The following BOD1L2 variants were observed in gnomAD, a reference collection of about 807,000 sequenced individuals.
BOD1L2 encodes the protein biorientation of chromosomes in cell division 1 like 2, also known as biorientation of chromosomes in cell division protein 1-like 2.
A neutral mutation model predicts 5.3 loss-of-function variants in BOD1L2; 6 were observed. That is an observed-to-expected ratio of 1.14 (90% CI 0.62 to 2.25). The LOEUF (loss-of-function observed/expected upper bound fraction) is 2.25. BOD1L2 is among the 30% of genes most tolerant of loss of function. BOD1L2 has a pLI of 0.00. For missense variants in BOD1L2, 210 were observed against 227.2 expected (o/e 0.92, Z 0.49); for synonymous variants, 96 against 96.3 (o/e 1.00, Z 0.02).
chr18:57,148,153 C>G lies in BOD1L2; in HGVS notation c.*322C>G, dbSNP rs1336823189. ...AGACATCTATACTTGAACATGGAGA[C>G]TGCACATGGATTTTAGGGTTTGTGC... On this transcript the variant is annotated 3_prime_UTR_variant, in exon 1 of 1. Transcript: ENST00000585477. 1 of 230,582 alleles carries G rather than the reference C, an allele frequency of 4.3e-6. No individual in the cohort carries two copies. Among genetic ancestry groups the G allele is most frequent in the Non-Finnish European group, 8.6e-6 (1 of 116,102 alleles). The allele number at this position is 230,582 out of a possible 1,614,324, so 14.3% of individuals were successfully genotyped here.
In BOD1L2 at chr18:57,147,351, C is replaced by A; in HGVS notation, c.39C>A (p.Gly13=). Residue 13 remains glycine (G), a synonymous_variant, in exon 1 of 1, where the codon GGC becomes GGA. Coordinates refer to ENST00000585477, the MANE Select transcript of BOD1L2 (RefSeq NM_001257964.2). ...GCGGCGGCGGCAGCGGCGGTGCGGG[C>A]CCGGCCTCGACCCGGGCCAGCGGGG... The part of the protein sequence containing the change: ...DGGGGGSGGA[G]PASTRASGGG... 1 of 1,456,480 alleles carries A rather than the reference C, an allele frequency of 6.9e-7. No individual in the cohort carries two copies. The highest frequency in any genetic ancestry group is 9.0e-7 in the Non-Finnish European group (1 of 1,108,262). The allele number at this position is 1,456,480 out of a possible 1,614,324, so 90.2% of individuals were successfully genotyped here. A position where few individuals can be genotyped will look rare whatever the true frequency, so the allele number is the denominator to read the frequency against.
At position 57,147,484 on chromosome 18, in the gene BOD1L2, G is replaced by T. The variant is rs1414922106; in HGVS notation, c.172G>T (p.Asp58Tyr). 7 of 1,575,296 alleles carry T rather than the reference G, an allele frequency of 4.4e-6. No individual in the cohort carries two copies. The highest frequency in any genetic ancestry group is 1.4e-5 in the African/African-American group (1 of 73,854). Residue 58 changes from aspartate to tyrosine, a missense_variant, in exon 1 of 1, where the codon GAC becomes TAC. Physicochemically the swap from Asp to Tyr is radical, Grantham distance 160. Transcript: ENST00000585477. ...GGGCCTTTTTGACAGCTTCCGCCGG[G>T]ACTGCAAGGCTGACGTGGACACCAA... Reference protein sequence around the residue: ...SRGLFDSFRRDCKADVDTKPA... With the variant: ...SRGLFDSFRRYCKADVDTKPA...
Position 57,149,845 on chromosome 18 carries a change from T to G in BOD1L2, c.*2014T>G, listed in dbSNP as rs747332154. On this transcript the variant is annotated 3_prime_UTR_variant, in exon 1 of 1. Coordinates refer to ENST00000585477, the MANE Select transcript of BOD1L2 (RefSeq NM_001257964.2). The stretch of plus-strand genomic sequence containing the variant: ...ACTAACATAAAAGGAACCTAATTTC[T>G]GCTTTTAAGAAATGTGTTGCGGAAG... 1.3e-5 allele frequency: 2 copies of G among 152,238 alleles called. No homozygotes were observed. The highest frequency in any genetic ancestry group is 2.9e-5 in the Non-Finnish European group (2 of 68,042). The allele number at this position is 152,238 out of a possible 1,614,324, so 9.4% of individuals were successfully genotyped here.
Position 57,147,498 on chromosome 18 carries a change from C to G in BOD1L2, c.186C>G (p.Asp62Glu). ...GCTTCCGCCGGGACTGCAAGGCTGA[C>G]GTGGACACCAAGCCAGCTTACCAAA... ...FDSFRRDCKA[D>E]VDTKPAYQNL... is the part of the protein sequence containing the mutation. The change falls in exon 1 of 1, where the codon GAC (aspartate) becomes GAG (glutamate). Residue 62 changes from aspartate to glutamate, a missense_variant. Transcript: ENST00000585477. The G allele has an allele frequency of 1.3e-6, 2 of 1,587,136 alleles. No individual in the cohort carries two copies. The highest frequency in any genetic ancestry group is 1.7e-6 in the Non-Finnish European group (2 of 1,167,604).
In BOD1L2 at chr18:57,147,806, C is replaced by T. The variant is rs530765900; in HGVS notation, c.494C>T (p.Pro165Leu). ...LPPEPEGQDP[P>L]APSQDTS Reference sequence around the variant, plus strand: ...CCAGAGCCAGAAGGCCAGGACCCTCCAGCTCCGTCTCAGGACACTTCCTAA... The same window carrying T: ...CCAGAGCCAGAAGGCCAGGACCCTCTAGCTCCGTCTCAGGACACTTCCTAA... Residue 165 changes from proline to leucine, a missense_variant, in exon 1 of 1, where the codon CCA becomes CTA. Physicochemically the swap from Pro to Leu is moderately conservative, Grantham distance 98 (BLOSUM62 -3). Coordinates refer to ENST00000585477, the MANE Select transcript of BOD1L2 (RefSeq NM_001257964.2). 20 of 1,612,248 alleles carry T rather than the reference C, an allele frequency of 1.2e-5. No individual in the cohort carries two copies. In the East Asian group the frequency reaches 3.8e-4, roughly 31 times the overall value.
In BOD1L2 at chr18:57,147,359, C is replaced by T. The variant is rs1411926917; in HGVS notation, c.47C>T (p.Ser16Leu). 7.4e-6 allele frequency: 11 copies of T among 1,479,482 alleles called. No homozygotes were observed. The highest frequency in any genetic ancestry group is 2.5e-5 in the East Asian group (1 of 39,704). 91.6% of individuals were successfully genotyped at this position (1,479,482 alleles called of 1,614,324 possible). A position where few individuals can be genotyped will look rare whatever the true frequency, so the allele number is the denominator to read the frequency against. ...GGCAGCGGCGGTGCGGGCCCGGCCT[C>T]GACCCGGGCCAGCGGGGGCGGCGGC... ...GGGSGGAGPA[S>L]TRASGGGGPI... The change falls in exon 1 of 1, where the codon TCG (serine) becomes TTG (leucine). Residue 16 changes from serine to leucine, a missense_variant. Transcript: ENST00000585477.
chr18:57,149,671 T>C lies in BOD1L2; in HGVS notation c.*1840T>C, dbSNP rs1453757591. 2.6e-5 allele frequency: 4 copies of C among 152,212 alleles called. No homozygotes were observed. Among genetic ancestry groups the C allele is most frequent in the African/African-American group, 4.8e-5 (2 of 41,456 alleles). The allele number at this position is 152,212 out of a possible 1,614,324, so 9.4% of individuals were successfully genotyped here. ...TCTTTAAAGTTTAATGTCCCAGCCA[T>C]TTTAATTGTTTCTTTCGAAGTACAA... is the stretch of plus-strand genomic sequence containing the variant. On this transcript the variant is annotated 3_prime_UTR_variant, in exon 1 of 1. Coordinates refer to ENST00000585477, the MANE Select transcript of BOD1L2 (RefSeq NM_001257964.2).
rs1279762473 is a variant in BOD1L2 at position 57,148,082 on chromosome 18, A to T, written c.*251A>T. 4.7e-6 allele frequency: 2 copies of T among 424,510 alleles called. No homozygotes were observed. Among genetic ancestry groups the T allele is most frequent in the Non-Finnish European group, 8.6e-6 (2 of 232,674 alleles). The allele number at this position is 424,510 out of a possible 1,614,324, so 26.3% of individuals were successfully genotyped here. Reference sequence around the variant, plus strand: ...TCCAAGGGCATGACACCAAACACACACTACAGAGAGGGAAACACTACCGCG... The same window carrying T: ...TCCAAGGGCATGACACCAAACACACTCTACAGAGAGGGAAACACTACCGCG... On this transcript the variant is annotated 3_prime_UTR_variant, in exon 1 of 1. Coordinates refer to ENST00000585477, the MANE Select transcript of BOD1L2 (RefSeq NM_001257964.2).
chr18:57,147,893 A>C lies in BOD1L2; in HGVS notation c.*62A>C, dbSNP rs2048934746. 6.8e-7 allele frequency: 1 copy of C among 1,477,234 alleles called. No homozygotes were observed. Among genetic ancestry groups the C allele is most frequent in the Non-Finnish European group, 9.1e-7 (1 of 1,098,306 alleles). 91.5% of individuals were successfully genotyped at this position (1,477,234 alleles called of 1,614,324 possible). A position where few individuals can be genotyped will look rare whatever the true frequency, so the allele number is the denominator to read the frequency against. ...TTTTGGTGAAGAAATGGATTCGGTT[A>C]CATAAGAGTGCAGTTTCAGATTGAA... is the stretch of plus-strand genomic sequence containing the variant. On this transcript the variant is annotated 3_prime_UTR_variant, in exon 1 of 1. Transcript: ENST00000585477.
rs997155822 is a variant in BOD1L2 at position 57,149,496 on chromosome 18, T to A, written c.*1665T>A. On this transcript the variant is annotated 3_prime_UTR_variant, in exon 1 of 1. Coordinates refer to ENST00000585477, the MANE Select transcript of BOD1L2 (RefSeq NM_001257964.2). ...CTTTCTTATCCCTGGAGGTATTTTA[T>A]CTGTAATGTTTACCTATGAGCTATT... The A allele has an allele frequency of 3.3e-5, 5 of 152,254 alleles. No individual in the cohort carries two copies. Among genetic ancestry groups the A allele is most frequent in the African/African-American group, 1.2e-4 (5 of 41,468 alleles). The allele number at this position is 152,254 out of a possible 1,614,324, so 9.4% of individuals were successfully genotyped here.
chr18:57,147,506 C>T lies in BOD1L2; in HGVS notation c.194C>T (p.Thr65Ile). 6.3e-7 allele frequency: 1 copy of T among 1,594,028 alleles called. No individual in the cohort carries two copies. Among genetic ancestry groups the T allele is most frequent in the Non-Finnish European group, 8.5e-7 (1 of 1,170,810 alleles). The change falls in exon 1 of 1, where the codon ACC becomes ATC. Residue 65 changes from threonine to isoleucine, a missense_variant. By Grantham distance (89) the Thr-to-Ile change is moderately conservative. Transcript: ENST00000585477. ...FRRDCKADVD[T>I]KPAYQNLSQK... is the part of the protein sequence containing the mutation. ...CGGGACTGCAAGGCTGACGTGGACA[C>T]CAAGCCAGCTTACCAAAACCTGAGC... is the stretch of plus-strand genomic sequence containing the variant.
Position 57,147,119 on chromosome 18 carries a change from G to A in BOD1L2, c.-194G>A, listed in dbSNP as rs553204926. On this transcript the variant is annotated 5_prime_UTR_variant, in exon 1 of 1. Transcript: ENST00000585477. ...TGCTGCCGCGTCTTCCACAACCTCC[G>A]CGGTCTGGAGCTGGCCTCCCCCACC... is the stretch of plus-strand genomic sequence containing the variant. 6.6e-5 allele frequency: 50 copies of A among 752,312 alleles called. No homozygotes were observed. In the Admixed American group the frequency reaches 2.8e-3, roughly 42 times the overall value. The allele number at this position is 752,312 out of a possible 1,614,324, so 46.6% of individuals were successfully genotyped here.
rs902016033 is a variant in BOD1L2, at chr18:57,147,351, C to T, written c.39C>T (p.Gly13=). Residue 13 remains glycine, a synonymous_variant, in exon 1 of 1, where the codon GGC becomes GGT. Transcript: ENST00000585477. ...DGGGGGSGGA[G]PASTRASGGG... ...GCGGCGGCGGCAGCGGCGGTGCGGG[C>T]CCGGCCTCGACCCGGGCCAGCGGGG... The T allele has an allele frequency of 4.1e-6, 6 of 1,456,372 alleles. No homozygotes were observed. Among genetic ancestry groups the T allele is most frequent in the South Asian group, 1.4e-5 (1 of 72,868 alleles). The allele number at this position is 1,456,372 out of a possible 1,614,324, so 90.2% of individuals were successfully genotyped here. A position where few individuals can be genotyped will look rare whatever the true frequency, so the allele number is the denominator to read the frequency against.
In BOD1L2 at chr18:57,147,867, T is replaced by G; in HGVS notation, c.*36T>G. 6.5e-7 allele frequency: 1 copy of G among 1,544,034 alleles called. No homozygotes were observed. The highest frequency in any genetic ancestry group is 8.7e-7 in the Non-Finnish European group (1 of 1,144,654). ...GACAGCTTTTGAAAGCGCTATTTAA[T>G]TTTTGGTGAAGAAATGGATTCGGTT... On this transcript the variant is annotated 3_prime_UTR_variant, in exon 1 of 1. Transcript: ENST00000585477.
chr18:57,149,437 G>A lies in BOD1L2; in HGVS notation c.*1606G>A, dbSNP rs1273132191. 1 of 152,164 alleles carries A rather than the reference G, an allele frequency of 6.6e-6. No homozygotes were observed. The allele number at this position is 152,164 out of a possible 1,614,324, so 9.4% of individuals were successfully genotyped here. The stretch of plus-strand genomic sequence containing the variant: ...TAAAAAGTGAACAAAAATTAATTTT[G>A]CATCTAGTGTCTACATGTCTAAGCA... On this transcript the variant is annotated 3_prime_UTR_variant, in exon 1 of 1. Transcript: ENST00000585477.
At position 57,147,510 on chromosome 18, in the gene BOD1L2, G is replaced by T; in HGVS notation, c.198G>T (p.Lys66Asn). ...ACTGCAAGGCTGACGTGGACACCAA[G>T]CCAGCTTACCAAAACCTGAGCCAGA... is the stretch of plus-strand genomic sequence containing the variant. ...RRDCKADVDT[K>N]PAYQNLSQKA... Residue 66 changes from lysine to asparagine, a missense_variant, in exon 1 of 1, where the codon AAG (lysine) becomes AAT (asparagine). By Grantham distance (94) the Lys-to-Asn change is moderately conservative. Coordinates refer to ENST00000585477, the MANE Select transcript of BOD1L2 (RefSeq NM_001257964.2). The T allele has an allele frequency of 6.3e-7, 1 of 1,596,650 alleles. No homozygotes were observed.
chr18:57,147,127 G>T lies in BOD1L2; in HGVS notation c.-186G>T. The T allele has an allele frequency of 1.2e-6, 1 of 823,582 alleles. No homozygotes were observed. Among genetic ancestry groups the T allele is most frequent in the Non-Finnish European group, 1.5e-6 (1 of 661,974 alleles). 51.0% of individuals were successfully genotyped at this position (823,582 alleles called of 1,614,324 possible). ...CGTCTTCCACAACCTCCGCGGTCTG[G>T]AGCTGGCCTCCCCCACCGCCGCCCC... On this transcript the variant is annotated 5_prime_UTR_variant, in exon 1 of 1. Transcript: ENST00000585477.
Position 57,148,780 on chromosome 18 carries a change from A to G in BOD1L2, c.*949A>G, listed in dbSNP as rs71353994. 0.04 allele frequency: 6,049 copies of G among 152,274 alleles called. 145 individuals carry two copies. Among genetic ancestry groups the G allele is most frequent in the Admixed American group, 0.077 (1,171 of 15,298 alleles). The allele number at this position is 152,274 out of a possible 1,614,324, so 9.4% of individuals were successfully genotyped here. ...TCATATGACAACCATGCCCATGACT[A>G]TCCTGGACACCCTGTGTTCCCTCTG... On this transcript the variant is annotated 3_prime_UTR_variant, in exon 1 of 1. Coordinates refer to ENST00000585477, the MANE Select transcript of BOD1L2 (RefSeq NM_001257964.2).
rs1184203037 is a variant in BOD1L2 at position 57,149,172 on chromosome 18, T to G, written c.*1341T>G. On this transcript the variant is annotated 3_prime_UTR_variant, in exon 1 of 1. Coordinates refer to ENST00000585477, the MANE Select transcript of BOD1L2 (RefSeq NM_001257964.2). ...GTATTGAGCACAGAGCCCTCACTTT[T>G]AACCCTTTTAACCATGCTTTTAGCC... The G allele has an allele frequency of 6.6e-6, 1 of 152,234 alleles. No individual in the cohort carries two copies. 9.4% of individuals were successfully genotyped at this position (152,234 alleles called of 1,614,324 possible).
Sources: allele counts gnomAD v4.1 joint callset, GRCh38; gene constraint gnomAD v4.1.1; transcripts MANE v1.5; gene names NCBI Gene and HGNC (gene_info 2026-07-23, HGNC 2026-07-21).